Variants in FSTL5 observed in about 807,000 individuals in gnomAD.
The protein encoded by FSTL5 is follistatin like 5.
A neutral mutation model predicts 89.1 loss-of-function variants in FSTL5; 62 were observed. That is an observed-to-expected ratio of 0.70 (90% CI 0.57 to 0.86). The LOEUF is 0.86. Ranked by LOEUF, FSTL5 falls within the 40% of genes least tolerant of loss-of-function variation. The pLI is 0.00. For missense variants in FSTL5, 1,057 were observed against 1,001.6 expected (o/e 1.06, Z -0.75); for synonymous variants, 383 against 346.2 (o/e 1.11, Z -1.18).
At chr4:161,436,125 A>C (rs145563553) in intron 15 of FSTL5, among the ~76,000 whole-genome samples, 102 of 152,296 alleles carry the variant, frequency 6.7e-4, no homozygotes, top group African/African-American at 2.4e-3. Flanking sequence ...AAGGAGGCCA[A>C]ATATTTAAGA....
At chr4:161,923,465 A>C (rs936976178) in intron 3 of FSTL5, among the ~76,000 whole-genome samples, 1 of 151,906 alleles carries the variant, frequency 6.6e-6, no homozygotes, top group Non-Finnish European at 1.5e-5. Flanking sequence ...TTGTTAATTC[A>C]ATGTTTATAG....
chr4:162,143,738 AC>A (rs1561043101), intron 1 of FSTL5, among the ~76,000 whole-genome samples: 1 of 130,724 alleles, frequency 7.6e-6, no homozygotes, highest in Non-Finnish European at 1.7e-5. Context: ...ACACACACAC[AC>A]ACACACACAC....
chr4:162,025,430 C>T (rs1277746610), intron 3 of FSTL5, among the ~76,000 whole-genome samples: 2 of 152,010 alleles, frequency 1.3e-5, no homozygotes, highest in Non-Finnish European at 1.5e-5. Context: ...ATTATATTTA[C>T]ATTACAGGTT....
intron 4 of FSTL5, among the ~76,000 whole-genome samples, chr4:161,840,536 T>G (rs1579132226): frequency 6.6e-6 from 1 of 152,268 alleles, no homozygotes; most frequent in Non-Finnish European, 1.5e-5. Flanking sequence ...CAGGTAGTAG[T>G]CCCAAACCCT....
chr4:161,930,701 C>T (rs904690458), intron 3 of FSTL5, among the ~76,000 whole-genome samples: 4 of 151,760 alleles, frequency 2.6e-5, no homozygotes, highest in African/African-American at 7.3e-5. Flanking sequence ...TATCTATGCT[C>T]GTAAACTCAT....
intron 15 of FSTL5, among the ~76,000 whole-genome samples, chr4:161,453,203 T>TC (rs1471373958): frequency 6.6e-6 from 1 of 152,162 alleles, no homozygotes; most frequent in African/African-American, 2.4e-5. Flanking sequence ...CTAAAATTTT[T>TC]CTCAAAGAAA....
At chr4:161,779,803 A>ATATG (rs1741582769) in intron 4 of FSTL5, among the ~76,000 whole-genome samples, 1 of 54,384 alleles carries the variant, frequency 1.8e-5, no homozygotes, top group Non-Finnish European at 2.9e-5. Flanking sequence ...ATATATATAT[A>ATATG]TATATATGTA....
chr4:161,553,498 A>T (rs1013190901), intron 8 of FSTL5, among the ~76,000 whole-genome samples: 40 of 151,528 alleles, frequency 2.6e-4, no homozygotes, highest in Admixed American at 1.2e-3. Context: ...TGAGCATAAT[A>T]CATTGTGCTG....
intron 15 of FSTL5, among the ~76,000 whole-genome samples, chr4:161,407,483 A>G (rs915127853): frequency 7.9e-5 from 12 of 152,310 alleles, no homozygotes; most frequent in African/African-American, 2.6e-4. Context: ...CCCCTCCCCA[A>G]CAGTGCCTGG....
At chr4:161,662,671 TGGA>T (rs987679163) in intron 6 of FSTL5, among the ~76,000 whole-genome samples, 5 of 151,266 alleles carry the variant, frequency 3.3e-5, no homozygotes, top group African/African-American at 1.2e-4. Flanking sequence ...CAGAAAAAAA[TGGA>T]GGAGAAGTAA....
At chr4:161,606,159 C>G (rs1734430614) in intron 7 of FSTL5, among the ~76,000 whole-genome samples, 1 of 151,476 alleles carries the variant, frequency 6.6e-6, no homozygotes, top group Non-Finnish European at 1.5e-5. Context: ...GTAAACCCGG[C>G]CAAGATCAGT....
At chr4:161,520,511 A>C (rs1730988664) in intron 10 of FSTL5, among the ~76,000 whole-genome samples, 1 of 152,096 alleles carries the variant, frequency 6.6e-6, no homozygotes, top group Non-Finnish European at 1.5e-5. Context: ...ATGCTGCTGT[A>C]TATAGGCATT....
chr4:162,055,316 A>C (rs1053561900), intron 2 of FSTL5, among the ~76,000 whole-genome samples: 1 of 151,778 alleles, frequency 6.6e-6, no homozygotes, highest in African/African-American at 2.4e-5. Flanking sequence ...AATGAATTAC[A>C]TGCTTATATA....
Position 161,386,228 on chromosome 4 carries a change from C to T in FSTL5, c.2063G>A (p.Gly688Glu). 6.2e-7 allele frequency: 1 copy of T among 1,613,936 alleles called. No homozygotes were observed. The highest frequency in any genetic ancestry group is 8.5e-7 in the Non-Finnish European group (1 of 1,179,962). ...MVDGVTDSVI[G>E]FNSDVTGTPY... ...AGTGCCCGTCACATCACTATTGAACCCAATGACTGAGTCAGTTACACCGTC... is the reference window on the plus strand; with the variant it reads ...AGTGCCCGTCACATCACTATTGAACTCAATGACTGAGTCAGTTACACCGTC... Residue 688 changes from glycine (G) to glutamate (E), a missense_variant, in exon 16 of 16, where the codon GGG becomes GAG. Coordinates refer to ENST00000306100, the MANE Select transcript of FSTL5 (RefSeq NM_020116.5).
chr4:161,801,314 A>C (rs533413693), intron 4 of FSTL5, among the ~76,000 whole-genome samples: 1 of 151,652 alleles, frequency 6.6e-6, no homozygotes, highest in East Asian at 1.9e-4. Flanking sequence ...TAATTGGCAA[A>C]CAGTAGGGGT....
intron 3 of FSTL5, among the ~76,000 whole-genome samples, chr4:162,014,373 A>G (rs981880814): frequency 6.6e-6 from 1 of 152,224 alleles, no homozygotes; most frequent in Non-Finnish European, 1.5e-5. Context: ...TTTAAAATTT[A>G]TTATTGTCAA....
chr4:161,902,566 C>T (rs1181047498), intron 4 of FSTL5, among the ~76,000 whole-genome samples: 1 of 151,852 alleles, frequency 6.6e-6, no homozygotes, highest in Non-Finnish European at 1.5e-5. Context: ...AAATAATTTC[C>T]ACCGGGCACG....
intron 4 of FSTL5, among the ~76,000 whole-genome samples, chr4:161,865,709 TA>T (rs1187421409): frequency 6.6e-6 from 1 of 151,970 alleles, no homozygotes; most frequent in Non-Finnish European, 1.5e-5. Context: ...GTGAAAAAAA[TA>T]GGCTGGTTTG....
chr4:161,578,031 C>T (rs1040686340), intron 8 of FSTL5, among the ~76,000 whole-genome samples: 1 of 151,832 alleles, frequency 6.6e-6, no homozygotes, highest in East Asian at 1.9e-4. Context: ...AAACAAAACT[C>T]AATGCTTCGG....
Sources: allele counts gnomAD v4.1 joint callset (sites outside exome capture counted in the v4.1 genomes callset), GRCh38; gene constraint gnomAD v4.1.1; transcripts MANE v1.5; gene names NCBI Gene and HGNC (gene_info 2026-07-23, HGNC 2026-07-21).